Variants in SH3PXD2B observed in about 807,000 individuals in gnomAD.
SH3PXD2B encodes the protein SH3 and PX domain-containing protein 2B.
A neutral mutation model predicts 73.1 loss-of-function variants in SH3PXD2B; 37 were observed. The ratio of observed to expected loss-of-function variants is 0.51; its 90% CI spans 0.39 to 0.67. SH3PXD2B has a LOEUF of 0.67. Among genes scored for constraint, SH3PXD2B ranks in the 30% least tolerant of loss-of-function variants. The probability of loss-of-function intolerance (pLI) is 0.00; values close to 1 mark genes in which losing one functional copy is unlikely to be tolerated. For missense variants in SH3PXD2B, 1,053 were observed against 1,197.8 expected (o/e 0.88, Z 1.78); for synonymous variants, 457 against 480.5 (o/e 0.95, Z 0.64).
At chr5:172,451,336 TTATAGTC>T in intron 1 of SH3PXD2B, among the ~76,000 whole-genome samples, 1 of 152,134 alleles carries the variant, frequency 6.6e-6, no homozygotes, top group African/African-American at 2.4e-5. Context: ...AAAACTGACT[TTATAGTC>T]TATGGCGCAG....
intron 6 of SH3PXD2B, among the ~76,000 whole-genome samples, chr5:172,367,814 A>G (rs1757562969): frequency 6.6e-6 from 1 of 152,084 alleles, no homozygotes; most frequent in Admixed American, 6.6e-5. Flanking sequence ...TGAAATGTCA[A>G]TGTGATGGCT....
In SH3PXD2B at chr5:172,334,105, A is replaced by G; in HGVS notation, c.*4264T>C. 8.9e-7 allele frequency: 1 copy of G among 1,123,506 alleles called. No individual in the cohort carries two copies. Among genetic ancestry groups the G allele is most frequent in the South Asian group, 2.0e-5 (1 of 49,588 alleles). 69.6% of individuals were successfully genotyped at this position (1,123,506 alleles called of 1,614,324 possible). A position where few individuals can be genotyped will look rare whatever the true frequency, so the allele number is the denominator to read the frequency against. ...GAGCCCCTCATCCCTGATTGGAGCT[A>G]AGAAGGCTTACTTTGGAGTCGAGGA... On this transcript the variant is annotated 3_prime_UTR_variant, in exon 13 of 13. Transcript: ENST00000311601.
intron 8 of SH3PXD2B, among the ~76,000 whole-genome samples, chr5:172,357,704 C>T (rs145298351): frequency 6.6e-6 from 1 of 152,212 alleles, no homozygotes; most frequent in East Asian, 1.9e-4. Flanking sequence ...CCTGTGTTAC[C>T]CCCCACAGTG....
Position 172,445,988 on chromosome 5 carries a change from C to T in SH3PXD2B, c.75+8290G>A, listed in dbSNP as rs530516074. ...GAGGAGGCAGCCACACGAGCCCTGC[C>T]CCCGGCCCACTGCTGGAGGCACTGA... On this transcript the variant is annotated intron_variant, in intron 1 of 12. Transcript: ENST00000311601. The surrounding 1 kb of genome is among the most constrained non-coding windows in gnomAD (Gnocchi z 5.2). Among the ~76,000 whole-genome samples the T allele has an allele frequency of 2.4e-4, 37 of 152,350 alleles. No individual in the cohort carries two copies. Among genetic ancestry groups the T allele is most frequent in the Middle Eastern group, 3.4e-3 (1 of 294 alleles).
At chr5:172,382,556 AACACACAC>A (rs3057156) in intron 4 of SH3PXD2B, among the ~76,000 whole-genome samples, 1 of 149,460 alleles carries the variant, frequency 6.7e-6, no homozygotes, top group African/African-American at 2.5e-5. Context: ...TTTGGAGAAC[AACACACAC>A]ACACACACAC....
At chr5:172,418,586 C>T (rs1483610288) in intron 2 of SH3PXD2B, among the ~76,000 whole-genome samples, 1 of 152,212 alleles carries the variant, frequency 6.6e-6, no homozygotes, top group Non-Finnish European at 1.5e-5. Flanking sequence ...CAGGGTGTTG[C>T]AGGCCCGCAA....
At chr5:172,381,715 C>T (rs1433579928) in intron 5 of SH3PXD2B, among the ~76,000 whole-genome samples, 2 of 152,220 alleles carry the variant, frequency 1.3e-5, no homozygotes, top group African/African-American at 4.8e-5. Context: ...CCTCTGTGGA[C>T]AGAAGCTAGA....
In SH3PXD2B at chr5:172,373,825, A is replaced by G; in HGVS notation, c.402-10T>C. 6.2e-7 allele frequency: 1 copy of G among 1,614,000 alleles called. No individual in the cohort carries two copies. Among genetic ancestry groups the G allele is most frequent in the Non-Finnish European group, 8.5e-7 (1 of 1,179,906 alleles). On this transcript the variant is annotated splice_polypyrimidine_tract_variant and intron_variant, in intron 5 of 12. Coordinates refer to ENST00000311601, the MANE Select transcript of SH3PXD2B (RefSeq NM_001017995.3). ...TTTCCCAATGTGCTCCCTGTACAGG[A>G]AAGAAAGGGGGTGGGAAGAGTAACG...
At chr5:172,352,624 C>T (rs1044914276) in intron 9 of SH3PXD2B, among the ~76,000 whole-genome samples, 1 of 152,158 alleles carries the variant, frequency 6.6e-6, no homozygotes, top group Non-Finnish European at 1.5e-5. Context: ...GGGACTCAGG[C>T]GGAGGTAACT....
chr5:172,374,716 T>C (rs1374143124), intron 5 of SH3PXD2B, among the ~76,000 whole-genome samples: 3 of 152,130 alleles, frequency 2.0e-5, no homozygotes, highest in Non-Finnish European at 4.4e-5. Context: ...GTATCACAAA[T>C]GCAGCATTAC....
chr5:172,331,715 G>A (rs1756560119), downstream of SH3PXD2B, among the ~76,000 whole-genome samples: 1 of 152,186 alleles, frequency 6.6e-6, no homozygotes, highest in African/African-American at 2.4e-5. Context: ...ACTTTGGGAG[G>A]CCAAGGCGGG....
chr5:172,339,782 G>A lies in SH3PXD2B; in HGVS notation c.1323C>T (p.Pro441=). The change falls in exon 13 of 13, where the codon CCC becomes CCT. Residue 441 remains proline, a synonymous_variant. Transcript: ENST00000311601. This position sits in a 1 kb window ranked among gnomAD's most constrained non-coding sequence, Gnocchi z 6.1. Reference sequence around the variant, plus strand: ...CCAGCCGGAGCTGGGTCACCTCGTGGGGCAGGGGAGCCAGAAAGTTGGGTC... The same window carrying A: ...CCAGCCGGAGCTGGGTCACCTCGTGAGGCAGGGGAGCCAGAAAGTTGGGTC... ...ASRPNFLAPL[P]HEVTQLRLGE... 1 of 1,613,286 alleles carries A rather than the reference G, an allele frequency of 6.2e-7. No individual in the cohort carries two copies. Among genetic ancestry groups the A allele is most frequent in the Non-Finnish European group, 8.5e-7 (1 of 1,179,230 alleles).
intron 6 of SH3PXD2B, 57 bp downstream of exon 6, chr5:172,373,733 C>G: frequency 6.4e-7 from 1 of 1,557,940 alleles, no homozygotes; most frequent in Non-Finnish European, 8.8e-7. Flanking sequence ...ACAGTTGGTG[C>G]TCGGCTGGAG....
intron 1 of SH3PXD2B, among the ~76,000 whole-genome samples, chr5:172,430,821 C>T (rs1314626176): frequency 1.3e-5 from 2 of 152,164 alleles, no homozygotes; most frequent in Non-Finnish European, 2.9e-5. Context: ...GAAAACCAAA[C>T]CCCTGGCCAA....
At chr5:172,395,525 C>T (rs1293120704) in intron 3 of SH3PXD2B, among the ~76,000 whole-genome samples, 4 of 152,112 alleles carry the variant, frequency 2.6e-5, no homozygotes, top group South Asian at 2.1e-4. Flanking sequence ...CAGGAAAACA[C>T]GGGTATATAC....
intron 2 of SH3PXD2B, among the ~76,000 whole-genome samples, chr5:172,406,998 T>A (rs1160169185): frequency 6.6e-6 from 1 of 152,154 alleles, no homozygotes; most frequent in Non-Finnish European, 1.5e-5. Context: ...CCTTTCATAG[T>A]ACCATAAACG....
At chr5:172,440,325 C>G (rs1759528578) in intron 1 of SH3PXD2B, among the ~76,000 whole-genome samples, 1 of 152,214 alleles carries the variant, frequency 6.6e-6, no homozygotes, top group Admixed American at 6.5e-5. Context: ...TCTGCCACTC[C>G]ACCCTGCATC....
chr5:172,405,472 T>C (rs1758531117), intron 3 of SH3PXD2B, among the ~76,000 whole-genome samples: 1 of 152,214 alleles, frequency 6.6e-6, no homozygotes, highest in Non-Finnish European at 1.5e-5. Context: ...TGCCCCACTG[T>C]TGGCTGGGAG....
chr5:172,401,057 C>T (rs184598651), intron 3 of SH3PXD2B, among the ~76,000 whole-genome samples: 204 of 152,282 alleles, frequency 1.3e-3, no homozygotes, highest in Non-Finnish European at 2.6e-3. Flanking sequence ...ATTTTGTTAA[C>T]GATTGGCAAG....
Sources: allele counts gnomAD v4.1 joint callset (sites outside exome capture counted in the v4.1 genomes callset), GRCh38; gene constraint gnomAD v4.1.1; non-coding constraint Gnocchi (gnomAD v3.1); transcripts MANE v1.5; gene names NCBI Gene and HGNC (gene_info 2026-07-23, HGNC 2026-07-21).